SOS2: variants seen among roughly 807,000 people sequenced by gnomAD.
SOS2 encodes the protein SOS Ras/Rho guanine nucleotide exchange factor 2, also known as son of sevenless homolog 2.
A neutral mutation model predicts 148.2 loss-of-function variants in SOS2; 65 were observed. The ratio of observed to expected loss-of-function variants is 0.44; its 90% confidence interval spans 0.36 to 0.54. The LOEUF (loss-of-function observed/expected upper bound fraction) is 0.54. SOS2 is among the 20% of genes least tolerant of loss of function. The pLI, the probability that SOS2 is intolerant of heterozygous loss-of-function variation, is 0.00. For synonymous variants in SOS2, 539 were observed against 537.1 expected, an observed-to-expected ratio of 1.00 and a Z score of -0.05; for missense variants, 1,341 against 1,590.2, an observed-to-expected ratio of 0.84 and a Z score of 2.67.
chr14:50,207,293 G>A (rs1021886728), intron 1 of SOS2, among the ~76,000 whole-genome samples: 1 of 151,168 alleles, frequency 6.6e-6, no homozygotes, highest in African/African-American at 2.4e-5. Flanking sequence ...TCAGAGGATC[G>A]CTTGAGGCCA....
chr14:50,212,456 T>C (rs915716950), intron 1 of SOS2, among the ~76,000 whole-genome samples: 5 of 152,094 alleles, frequency 3.3e-5, no homozygotes, highest in East Asian at 1.9e-4. Context: ...CCTGGCAACA[T>C]AGCGAGACTC....
At chr14:50,161,784 T>A (rs1389074103) in intron 8 of SOS2, among the ~76,000 whole-genome samples, 175 bp from the exon 9 acceptor site, 1 of 107,142 alleles carries the variant, frequency 9.3e-6, no homozygotes, top group Non-Finnish European at 1.8e-5. Flanking sequence ...CAACCCTTTT[T>A]CTTTCTTTTT....
At chr14:50,171,787 G>T (rs1885375496) in intron 8 of SOS2, among the ~76,000 whole-genome samples, 1 of 151,150 alleles carries the variant, frequency 6.6e-6, no homozygotes, top group Non-Finnish European at 1.5e-5. Flanking sequence ...ATCTCTCAAA[G>T]TTTATTTGTA....
At chr14:50,143,334 A>AC (rs1244989858) in intron 16 of SOS2, among the ~76,000 whole-genome samples, 3 of 151,132 alleles carry the variant, frequency 2.0e-5, no homozygotes, top group Non-Finnish European at 4.4e-5. Context: ...TTTAGGAAAA[A>AC]AAAAAAAAAA....
intron 16 of SOS2, among the ~76,000 whole-genome samples, chr14:50,144,715 G>A (rs1216340323): frequency 6.6e-6 from 1 of 152,156 alleles, no homozygotes; most frequent in Non-Finnish European, 1.5e-5. Context: ...TGGGATTACA[G>A]GCGTGAGCCA....
At chr14:50,137,410 T>G (rs1047805109) in intron 18 of SOS2, among the ~76,000 whole-genome samples, 8 of 152,196 alleles carry the variant, frequency 5.3e-5, no homozygotes, top group African/African-American at 1.9e-4. Flanking sequence ...GAAATGAATT[T>G]TCTTTTTACT....
chr14:50,204,544 A>C, intron 1 of SOS2, 135 bp from the exon 2 acceptor site: 1 of 589,064 alleles, frequency 1.7e-6, no homozygotes, highest in Middle Eastern at 4.7e-4. Context: ...GAAGAAAAAA[A>C]CTATTTGTTG....
At chr14:50,228,139 T>C (rs946586991) in intron 1 of SOS2, among the ~76,000 whole-genome samples, 3 of 151,752 alleles carry the variant, frequency 2.0e-5, no homozygotes, top group Admixed American at 1.3e-4. Flanking sequence ...CCTAGCAGGT[T>C]CAAGTGATTC....
At chr14:50,124,694 T>C (rs932718159) in intron 21 of SOS2, among the ~76,000 whole-genome samples, 6 of 152,192 alleles carry the variant, frequency 3.9e-5, no homozygotes, top group African/African-American at 1.4e-4. Flanking sequence ...GTAAAATTCC[T>C]CAGATTTCTA....
At chr14:50,205,307 T>C (rs1886623546) in intron 1 of SOS2, among the ~76,000 whole-genome samples, 1 of 152,126 alleles carries the variant, frequency 6.6e-6, no homozygotes, top group Non-Finnish European at 1.5e-5. Context: ...CCACCTCAGC[T>C]TCCCAAAGTG....
intron 5 of SOS2, among the ~76,000 whole-genome samples, chr14:50,187,496 C>T (rs1885955388): frequency 6.6e-6 from 1 of 151,880 alleles, no homozygotes; most frequent in Non-Finnish European, 1.5e-5. Context: ...TACAGGCGCC[C>T]ACCACTACGC....
intron 4 of SOS2, among the ~76,000 whole-genome samples, chr14:50,198,384 A>G (rs1651467685): frequency 6.6e-6 from 1 of 152,120 alleles, no homozygotes; most frequent in Non-Finnish European, 1.5e-5. Context: ...ATAATTTTGT[A>G]AGTCAAAATA....
At chr14:50,164,754 C>T (rs1270269836) in intron 8 of SOS2, among the ~76,000 whole-genome samples, 3 of 152,198 alleles carry the variant, frequency 2.0e-5, no homozygotes, top group Non-Finnish European at 2.9e-5. Context: ...CTTATCCACC[C>T]GGTGAATTTA....
rs779518659 is a variant in SOS2, at chr14:50,161,443, T to C, written c.1196+39A>G. On this transcript the variant is annotated intron_variant, in intron 9 of 22. Transcript: ENST00000216373. ...AAACCAGGCATCAGAGACAGCGAAG[T>C]AAGCAGAGGCATTCACGTTTTCAAC... The C allele has an allele frequency of 5.8e-6, 9 of 1,561,456 alleles. No individual in the cohort carries two copies. The African/African-American group carries it at 1.1e-4, about 19-fold the overall frequency.
chr14:50,118,441 T>A lies in SOS2; in HGVS notation c.3902A>T (p.His1301Leu). The A allele has an allele frequency of 6.2e-7, 1 of 1,614,100 alleles. No homozygotes were observed. Among genetic ancestry groups the A allele is most frequent in the East Asian group, 2.2e-5 (1 of 44,884 alleles). ...AGTCTTTGGTGGCAGTTTTGGCAGATGAGGGCTTGAATTCTGCCTTGGTGG... is the reference window on the plus strand; with the variant it reads ...AGTCTTTGGTGGCAGTTTTGGCAGAAGAGGGCTTGAATTCTGCCTTGGTGG... ...PVPPRQNSSP[H>L]LPKLPPKTYK... Residue 1301 changes from histidine to leucine, a missense_variant, in exon 23 of 23, where the codon CAT becomes CTT. Around this residue, in one of 4 missense-constraint regions of SOS2, gnomAD observed 354 missense variants for 347.7 expected, o/e 1.02. Transcript: ENST00000216373.
intron 7 of SOS2, among the ~76,000 whole-genome samples, chr14:50,176,930 A>G (rs954782054): frequency 6.6e-6 from 1 of 152,222 alleles, no homozygotes; most frequent in African/African-American, 2.4e-5. Flanking sequence ...GGACTCCTTA[A>G]ACCCAAGAGG....
chr14:50,166,608 A>G (rs1183810870), intron 8 of SOS2, among the ~76,000 whole-genome samples: 5 of 152,214 alleles, frequency 3.3e-5, no homozygotes, highest in Admixed American at 6.5e-5. Context: ...TTAGTTGTCT[A>G]TAAGTGTATC....
chr14:50,178,330 G>A (rs975745244), intron 7 of SOS2, among the ~76,000 whole-genome samples: 5 of 152,126 alleles, frequency 3.3e-5, no homozygotes, highest in African/African-American at 1.2e-4. Flanking sequence ...ATGTGAAGAC[G>A]TGCCTGCTTC....
chr14:50,199,669 T>A, intron 4 of SOS2, 22 bp downstream of exon 4: 3 of 1,480,792 alleles, frequency 2.0e-6, no homozygotes, highest in Non-Finnish European at 2.7e-6. Flanking sequence ...CAAGTTAAAT[T>A]TAAATACCTT....
Sources: allele counts gnomAD v4.1 joint callset (sites outside exome capture counted in the v4.1 genomes callset), GRCh38; gene constraint gnomAD v4.1.1; regional missense constraint gnomAD v4.1.1; transcripts MANE v1.5; gene names NCBI Gene and HGNC (gene_info 2026-07-23, HGNC 2026-07-21).